Variants in UBTD1 observed in about 807,000 individuals in gnomAD.
UBTD1 encodes the protein ubiquitin domain-containing protein 1.
UBTD1 carries 19 observed loss-of-function variants against 21.7 expected under a neutral mutation model. That is an observed-to-expected ratio of 0.87 (90% CI 0.61 to 1.28). The LOEUF is 1.28. UBTD1 is among the 50% of genes most tolerant of loss of function. UBTD1 has a pLI of 0.00. For missense variants in UBTD1, 282 were observed against 315.1 expected (o/e 0.89, Z 0.80); for synonymous variants, 116 against 135.1 (o/e 0.86, Z 0.98).
At position 97,528,686 on chromosome 10, in the gene UBTD1, TCCCTCCCGGACGGGGCGGCTGGCCG is replaced by T. The variant is rs1448892192; in HGVS notation, c.70+29414_70+29438del. ...GGGCGGGGGGCTGACCCCCCCCACC[TCCCTCCCGGACGGGGCGGCTGGCCG>T]GGCGGGGGGCTGACCCCCCCCACCT... On this transcript the variant is annotated intron_variant, in intron 1 of 2. Transcript: ENST00000370664. Among the ~76,000 whole-genome samples the T allele has an allele frequency of 8.6e-3, 222 of 25,932 alleles. 60 individuals are homozygous for T. Among genetic ancestry groups the T allele is most frequent in the Admixed American group, 0.038 (90 of 2,376 alleles). The allele number at this position is 25,932 out of a possible 152,430, so 17.0% of individuals were successfully genotyped here. A position where few individuals can be genotyped will look rare whatever the true frequency, so the allele number is the denominator to read the frequency against.
intron 1 of UBTD1, among the ~76,000 whole-genome samples, chr10:97,532,591 A>T (rs1277796517): frequency 6.6e-6 from 1 of 152,160 alleles, no homozygotes. Flanking sequence ...AGAGATCGAG[A>T]CCATCCTGGC....
intron 1 of UBTD1, among the ~76,000 whole-genome samples, chr10:97,554,002 C>G (rs902181808): frequency 1.3e-5 from 2 of 152,176 alleles, no homozygotes; most frequent in East Asian, 3.8e-4. Context: ...TCTGGGGGAG[C>G]TTGAGAGGTT....
intron 1 of UBTD1, among the ~76,000 whole-genome samples, chr10:97,563,891 A>C (rs2040705118): frequency 6.6e-6 from 1 of 152,140 alleles, no homozygotes; most frequent in African/African-American, 2.4e-5. Flanking sequence ...TATAAGGATT[A>C]CTGTTATCCT....
At chr10:97,521,246 G>A (rs1344952818) in intron 1 of UBTD1, among the ~76,000 whole-genome samples, 1 of 152,234 alleles carries the variant, frequency 6.6e-6, no homozygotes, top group African/African-American at 2.4e-5. Flanking sequence ...GGTTGGTAAG[G>A]TGAGACTCTG....
At position 97,554,247 on chromosome 10, in the gene UBTD1, G is replaced by GTTT. The variant is rs71007352; in HGVS notation, c.71-13654_71-13652dup. Among the ~76,000 whole-genome samples, 134 of 134,852 alleles carry GTTT rather than the reference G, an allele frequency of 9.9e-4. 7 individuals carry two copies. Among genetic ancestry groups the GTTT allele is most frequent in the Middle Eastern group, 7.6e-3 (2 of 264 alleles). The allele number at this position is 134,852 out of a possible 152,430, so 88.5% of individuals were successfully genotyped here. On this transcript the variant is annotated intron_variant, in intron 1 of 2. Coordinates refer to ENST00000370664, the MANE Select transcript of UBTD1 (RefSeq NM_024954.5). ...ACATTTTATTTTTTTGTTTGTTTTC[G>GTTT]TTTTTTTTTTTTTTTCTGAGATGGA...
intron 1 of UBTD1, among the ~76,000 whole-genome samples, chr10:97,518,501 TCCAG>T (rs1407272864): frequency 1.3e-5 from 2 of 152,208 alleles, no homozygotes; most frequent in African/African-American, 4.8e-5. Flanking sequence ...TTCCTTGCCC[TCCAG>T]CCCGTTTGGC....
chr10:97,537,820 C>CTTT lies in UBTD1; in HGVS notation c.71-30073_71-30071dup, dbSNP rs57859135. On this transcript the variant is annotated intron_variant, in intron 1 of 2. Transcript: ENST00000370664. Reference sequence around the variant, plus strand: ...GGTGTGTGCTTGTAACAGGCTTTCTCTTTTTTTTTTTTTTTTTTTTTTTGA... The same window carrying CTTT: ...GGTGTGTGCTTGTAACAGGCTTTCTCTTTTTTTTTTTTTTTTTTTTTTTTTTGA... Among the ~76,000 whole-genome samples, 52 of 119,482 alleles carry CTTT rather than the reference C, an allele frequency of 4.4e-4. 1 individual carries two copies. The highest frequency in any genetic ancestry group is 7.3e-4 in the East Asian group (3 of 4,106). 78.4% of individuals were successfully genotyped at this position (119,482 alleles called of 152,430 possible).
At chr10:97,511,204 A>G (rs183828038) in intron 1 of UBTD1, among the ~76,000 whole-genome samples, 2 of 152,154 alleles carry the variant, frequency 1.3e-5, no homozygotes, top group African/African-American at 4.8e-5. Context: ...CTGATTGCAC[A>G]CTGATTGTGC....
At chr10:97,562,753 T>C (rs571876470) in intron 1 of UBTD1, among the ~76,000 whole-genome samples, 1 of 152,352 alleles carries the variant, frequency 6.6e-6, no homozygotes, top group African/African-American at 2.4e-5. Flanking sequence ...CTATTTTCAC[T>C]TCTTTTGTAG....
intron 1 of UBTD1, among the ~76,000 whole-genome samples, chr10:97,556,455 G>T (rs58424586): frequency 6.6e-6 from 1 of 152,136 alleles, no homozygotes. Flanking sequence ...AGTCTTGACC[G>T]GTTTTATTAG....
At chr10:97,518,275 C>T (rs966189229) in intron 1 of UBTD1, among the ~76,000 whole-genome samples, 6 of 152,160 alleles carry the variant, frequency 3.9e-5, no homozygotes, top group African/African-American at 7.2e-5. Context: ...GGAGAACCTG[C>T]GGCTTCCTTC....
Position 97,499,369 on chromosome 10 carries a change from C to T in UBTD1, c.70+96C>T, listed in dbSNP as rs531766084. The T allele has an allele frequency of 2.0e-5, 28 of 1,388,500 alleles. No homozygotes were observed. The African/African-American group carries it at 3.1e-4, about 16-fold the overall frequency. 86.0% of individuals were successfully genotyped at this position (1,388,500 alleles called of 1,614,324 possible). A position where few individuals can be genotyped will look rare whatever the true frequency, so the allele number is the denominator to read the frequency against. On this transcript the variant is annotated intron_variant, in intron 1 of 2. Coordinates refer to ENST00000370664, the MANE Select transcript of UBTD1 (RefSeq NM_024954.5). ...CTTACCGATGGACTCCCCACTGGTG[C>T]TGGCGCTTGGGTTTCCCCGATGGGC...
intron 1 of UBTD1, among the ~76,000 whole-genome samples, chr10:97,529,229 C>T (rs1391765470): frequency 9.9e-4 from 150 of 151,758 alleles, no homozygotes; most frequent in African/African-American, 3.4e-3. Context: ...AGGCGCTCCT[C>T]ACTTCCTAGG....
At chr10:97,546,900 A>ACTCTCT (rs144552590) in intron 1 of UBTD1, among the ~76,000 whole-genome samples, 1 of 147,060 alleles carries the variant, frequency 6.8e-6, no homozygotes, top group Non-Finnish European at 1.5e-5. Flanking sequence ...TCACACACAC[A>ACTCTCT]CTCTCTCTCT....
At chr10:97,548,920 C>T (rs1433738955) in intron 1 of UBTD1, among the ~76,000 whole-genome samples, 1 of 152,236 alleles carries the variant, frequency 6.6e-6, no homozygotes, top group Non-Finnish European at 1.5e-5. Flanking sequence ...GACCACCCTT[C>T]CCCGAGCCCG....
At chr10:97,528,578 C>G (rs1181548710) in intron 1 of UBTD1, among the ~76,000 whole-genome samples, 2 of 82,178 alleles carry the variant, frequency 2.4e-5, no homozygotes, top group Non-Finnish European at 5.5e-5. Context: ...GGGGGGCTCA[C>G]CCCCCCACCT....
intron 1 of UBTD1, among the ~76,000 whole-genome samples, chr10:97,549,598 A>C (rs981890355): frequency 6.6e-6 from 1 of 152,302 alleles, no homozygotes; most frequent in Middle Eastern, 3.4e-3. Context: ...CAGGGGTGCC[A>C]CCCTGCCTTG....
chr10:97,499,669 G>C (rs888380751), intron 1 of UBTD1, among the ~76,000 whole-genome samples: 1 of 152,196 alleles, frequency 6.6e-6, no homozygotes, highest in African/African-American at 2.4e-5. Context: ...CCCAGAACTC[G>C]GAGCGAGCGA....
At chr10:97,540,562 G>A (rs1403305185) in intron 1 of UBTD1, among the ~76,000 whole-genome samples, 1 of 152,222 alleles carries the variant, frequency 6.6e-6, no homozygotes, top group Admixed American at 6.5e-5. Flanking sequence ...TCTTATTACC[G>A]TAGTGCTTGT....
Sources: gnomAD v4.1 joint callset for allele counts (sites outside exome capture counted in the v4.1 genomes callset) on GRCh38, gnomAD v4.1.1 for gene constraint, MANE v1.5 for transcripts, NCBI Gene and HGNC (gene_info 2026-07-23, HGNC 2026-07-21) for gene names.